Variants in USP14 observed in about 807,000 individuals in gnomAD.
The protein encoded by USP14 is ubiquitin specific peptidase 14.
USP14 carries 38 observed loss-of-function variants against 76.5 expected under a neutral mutation model. That is an observed-to-expected ratio of 0.50 (90% confidence interval 0.38 to 0.65). The LOEUF (loss-of-function observed/expected upper bound fraction) is 0.65. Among genes scored for constraint, USP14 ranks in the 30% least tolerant of loss-of-function variants. USP14 has a pLI of 0.00. For synonymous variants in USP14, 192 were observed against 191.7 expected, an observed-to-expected ratio of 1.00 and a Z score of -0.01; for missense variants, 467 against 586.5, an observed-to-expected ratio of 0.80 and a Z score of 2.10.
chr18:172,970 C>T (rs1205460254), intron 3 of USP14, among the ~76,000 whole-genome samples: 2 of 152,140 alleles, frequency 1.3e-5, no homozygotes, highest in African/African-American at 4.8e-5. Context: ...TTATCTAAGT[C>T]AGTTGATCAC....
chr18:162,083 T>A (rs1231503676), intron 1 of USP14, among the ~76,000 whole-genome samples: 1 of 152,242 alleles, frequency 6.6e-6, no homozygotes, highest in Non-Finnish European at 1.5e-5. Flanking sequence ...CTTTCCTTTT[T>A]AAGGTTGAAT....
At chr18:199,994 A>G (rs1910342799) in intron 10 of USP14, among the ~76,000 whole-genome samples, 1 of 152,212 alleles carries the variant, frequency 6.6e-6, no homozygotes, top group Non-Finnish European at 1.5e-5. Context: ...TTTCATAGAC[A>G]AAAGCATTAT....
At chr18:186,854 T>C (rs115676441) in intron 5 of USP14, among the ~76,000 whole-genome samples, 1,995 of 152,288 alleles carry the variant, frequency 0.013, 41 homozygotes, top group African/African-American at 0.045. Flanking sequence ...ATTCAAACAG[T>C]CTTAAATTTG....
In USP14 at chr18:213,974, A is replaced by G. The variant is rs368569062; in HGVS notation, c.*2690A>G. ...TTTCTGTAATGGACAAGATAGATAG[A>G]TTAGATAGATAGATAGATAGATAGA... On this transcript the variant is annotated 3_prime_UTR_variant, in exon 16 of 16. Coordinates refer to ENST00000261601, the MANE Select transcript of USP14 (RefSeq NM_005151.4). The G allele has an allele frequency of 2.1e-5, 2 of 95,546 alleles. No individual in the cohort carries two copies. Among genetic ancestry groups the G allele is most frequent in the African/African-American group, 7.0e-5 (2 of 28,572 alleles). 5.9% of individuals were successfully genotyped at this position (95,546 alleles called of 1,614,324 possible). A position where few individuals can be genotyped will look rare whatever the true frequency, so the allele number is the denominator to read the frequency against.
Position 196,675 on chromosome 18 carries a change from T to A in USP14, c.502T>A (p.Ser168Thr), listed in dbSNP as rs1471765831. Residue 168 changes from serine (S) to threonine (T), a missense_variant, in exon 7 of 16, where the codon TCC becomes ACC. Transcript: ENST00000261601. ...GTTTGATTCCATGGATAAAACTTCT[T>A]CCAGTATTCCACCTATTATTCTACT... is the stretch of plus-strand genomic sequence containing the variant. The part of the protein sequence containing the change: ...DLFDSMDKTS[S>T]SIPPIILLQF... 1.2e-6 allele frequency: 2 copies of A among 1,614,064 alleles called. No homozygotes were observed. Among genetic ancestry groups the A allele is most frequent in the Non-Finnish European group, 1.7e-6 (2 of 1,179,982 alleles).
intron 3 of USP14, among the ~76,000 whole-genome samples, chr18:174,138 G>C (rs1030902273): frequency 6.6e-6 from 1 of 152,134 alleles, no homozygotes; most frequent in African/African-American, 2.4e-5. Flanking sequence ...CTGTATGTCA[G>C]TCTGGGACAT....
At chr18:161,244 A>G (rs2144203472) in intron 1 of USP14, among the ~76,000 whole-genome samples, 1 of 152,266 alleles carries the variant, frequency 6.6e-6, no homozygotes, top group East Asian at 1.9e-4. Flanking sequence ...TGTATGATTT[A>G]GGATGACTTA....
chr18:170,223 G>A (rs1909404379), intron 3 of USP14, among the ~76,000 whole-genome samples: 1 of 152,130 alleles, frequency 6.6e-6, no homozygotes, highest in Non-Finnish European at 1.5e-5. Context: ...AGAATTGCTT[G>A]AGCCTGGGAG....
chr18:184,414 C>T (rs995689623), intron 5 of USP14, among the ~76,000 whole-genome samples: 4 of 152,142 alleles, frequency 2.6e-5, no homozygotes, highest in Non-Finnish European at 5.9e-5. Flanking sequence ...GAAGACCATC[C>T]TCACAAATAC....
At chr18:209,669 G>T (rs747593300) in intron 13 of USP14, among the ~76,000 whole-genome samples, 1 of 152,144 alleles carries the variant, frequency 6.6e-6, no homozygotes, top group Admixed American at 6.5e-5. Flanking sequence ...TTCTGCCCTA[G>T]AGCACTGTTT....
At chr18:185,024 C>T (rs1274360936) in intron 5 of USP14, among the ~76,000 whole-genome samples, 1 of 152,090 alleles carries the variant, frequency 6.6e-6, no homozygotes, top group Non-Finnish European at 1.5e-5. Context: ...TCCTAAAATT[C>T]TATAAATTAC....
At chr18:168,861 G>A (rs1013442984) in intron 3 of USP14, among the ~76,000 whole-genome samples, 4 of 130,302 alleles carry the variant, frequency 3.1e-5, no homozygotes, top group Non-Finnish European at 4.6e-5. Context: ...TCACGAAGTC[G>A]GAGATCGAGA....
At chr18:180,076 A>T (rs879460295) in intron 4 of USP14, among the ~76,000 whole-genome samples, 160 bp from the exon 5 acceptor site, 1 of 147,136 alleles carries the variant, frequency 6.8e-6, no homozygotes, top group Non-Finnish European at 1.5e-5. Flanking sequence ...TTTTGGGGGA[A>T]ATAAAACTGT....
At chr18:174,609 C>CT (rs112640574) in intron 3 of USP14, among the ~76,000 whole-genome samples, 220 of 134,766 alleles carry the variant, frequency 1.6e-3, no homozygotes, top group Middle Eastern at 4.5e-3. Context: ...ACTTTTCTTT[C>CT]TTTTTTTTTT....
chr18:182,255 T>C (rs1007588144), intron 5 of USP14, among the ~76,000 whole-genome samples: 1 of 152,346 alleles, frequency 6.6e-6, no homozygotes, highest in African/African-American at 2.4e-5. Flanking sequence ...AAAAAATATG[T>C]AACTTAATTC....
intron 3 of USP14, among the ~76,000 whole-genome samples, chr18:176,353 A>G (rs181231604): frequency 1.1e-4 from 16 of 152,192 alleles, no homozygotes; most frequent in African/African-American, 2.9e-4. Context: ...GGGTCTTGCT[A>G]TGTTGCTGAG....
At chr18:171,374 CT>C (rs995544447) in intron 3 of USP14, among the ~76,000 whole-genome samples, 4 of 152,190 alleles carry the variant, frequency 2.6e-5, no homozygotes, top group African/African-American at 7.2e-5. Flanking sequence ...GAAACCAATG[CT>C]CGTTTACCAT....
intron 1 of USP14, among the ~76,000 whole-genome samples, chr18:160,182 T>C (rs1598259918): frequency 6.6e-6 from 1 of 152,124 alleles, no homozygotes; most frequent in South Asian, 2.1e-4. Flanking sequence ...CAGGTGCCGG[T>C]AATCCCAGCT....
intron 5 of USP14, among the ~76,000 whole-genome samples, chr18:189,723 C>T (rs1245170995): frequency 6.6e-6 from 1 of 152,178 alleles, no homozygotes; most frequent in Non-Finnish European, 1.5e-5. Context: ...CCTCGTGATC[C>T]ACCTGCCTCG....
Sources: gnomAD v4.1 joint callset for allele counts (sites outside exome capture counted in the v4.1 genomes callset) on GRCh38, gnomAD v4.1.1 for gene constraint, MANE v1.5 for transcripts, NCBI Gene and HGNC (gene_info 2026-07-23, HGNC 2026-07-21) for gene names.